CCSER1: variants seen among roughly 807,000 people sequenced by gnomAD.
CCSER1 encodes coiled-coil serine rich protein 1, also known as serine-rich coiled-coil domain-containing protein 1.
A neutral mutation model predicts 82.0 loss-of-function variants in CCSER1; 41 were observed. That is an observed-to-expected ratio of 0.50 (90% CI 0.39 to 0.65). The LOEUF is 0.65. CCSER1 is among the 30% of genes least tolerant of loss of function. The pLI, the probability that CCSER1 is intolerant of heterozygous loss-of-function variation, is 0.00. For synonymous variants in CCSER1, 414 were observed against 383.9 expected (o/e 1.08, Z -0.92); for missense variants, 1,119 against 1,064.2 (o/e 1.05, Z -0.72).
At chr4:91,309,686 G>A (rs1042028965) in intron 10 of CCSER1, among the ~76,000 whole-genome samples, 2 of 151,984 alleles carry the variant, frequency 1.3e-5, no homozygotes, top group African/African-American at 4.8e-5. Flanking sequence ...CTCGTAGATA[G>A]CAATGGAATG....
intron 10 of CCSER1, among the ~76,000 whole-genome samples, chr4:91,587,033 T>A (rs1294028015): frequency 6.6e-6 from 1 of 151,706 alleles, no homozygotes; most frequent in Non-Finnish European, 1.5e-5. Context: ...GGAGATGCAA[T>A]CTCTTTTATT....
intron 10 of CCSER1, among the ~76,000 whole-genome samples, chr4:91,317,383 A>G (rs1745907472): frequency 6.6e-6 from 1 of 151,818 alleles, no homozygotes; most frequent in Non-Finnish European, 1.5e-5. Flanking sequence ...ATCTTTATTC[A>G]AATGTCCCTT....
chr4:90,644,696 C>A (rs1727177862), intron 6 of CCSER1, among the ~76,000 whole-genome samples: 1 of 151,970 alleles, frequency 6.6e-6, no homozygotes, highest in South Asian at 2.1e-4. Context: ...TCAGCTCCCA[C>A]TTATAAGCGA....
rs1764708235 is a variant in CCSER1, at chr4:91,598,903, T to G, written c.2549T>G (p.Val850Gly). Residue 850 changes from valine (V) to glycine (G), a missense_variant, in exon 11 of 11, where the codon GTT becomes GGT. Coordinates refer to ENST00000509176, the MANE Select transcript of CCSER1 (RefSeq NM_001145065.2). Reference protein sequence around the residue: ...STFLEKPKDQVATARQHSTFT... With the variant: ...STFLEKPKDQGATARQHSTFT... ...TTCTTAGAGAAACCAAAGGACCAAG[T>G]TGCTACGGCCCGACAGCATTCGACC... The G allele has an allele frequency of 6.4e-7, 1 of 1,551,584 alleles. No individual in the cohort carries two copies.
rs1421209418 is a variant in CCSER1 at position 90,220,205 on chromosome 4, T to C, written c.-41-88039T>C. On this transcript the variant is annotated intron_variant, in intron 1 of 10. Transcript: ENST00000509176. The stretch of plus-strand genomic sequence containing the variant: ...TTAAACTTTATCATAGGTGTGTATG[T>C]ATAAGGAAAAACACAGTATAGATAG... Among the ~76,000 whole-genome samples the C allele has an allele frequency of 3.3e-5, 5 of 152,202 alleles. No individual in the cohort carries two copies. The East Asian group carries it at 9.6e-4, about 29-fold the overall frequency.
At chr4:90,491,625 G>T (rs951866170) in intron 5 of CCSER1, among the ~76,000 whole-genome samples, 1 of 151,944 alleles carries the variant, frequency 6.6e-6, no homozygotes, top group African/African-American at 2.4e-5. Flanking sequence ...CCAGTTTTTG[G>T]CCATTCAGTA....
At chr4:90,430,218 G>T (rs1301389461) in intron 4 of CCSER1, among the ~76,000 whole-genome samples, 1 of 151,822 alleles carries the variant, frequency 6.6e-6, no homozygotes, top group Non-Finnish European at 1.5e-5. Context: ...GATAAGTTAT[G>T]CAAGTGAATA....
chr4:90,295,630 AT>A (rs1440598249), intron 1 of CCSER1, among the ~76,000 whole-genome samples: 5 of 151,790 alleles, frequency 3.3e-5, no homozygotes, highest in Non-Finnish European at 7.4e-5. Flanking sequence ...TTGCTCACTT[AT>A]TTTTGATTTT....
chr4:91,572,260 T>A (rs1042432294), intron 10 of CCSER1, among the ~76,000 whole-genome samples: 1 of 152,154 alleles, frequency 6.6e-6, no homozygotes, highest in Admixed American at 6.5e-5. Context: ...CAGAGAAGGC[T>A]GTGAAACAGT....
chr4:91,330,598 T>C (rs1375629258), intron 10 of CCSER1, among the ~76,000 whole-genome samples: 1 of 152,202 alleles, frequency 6.6e-6, no homozygotes, highest in Non-Finnish European at 1.5e-5. Context: ...GGCTAACTTA[T>C]CTGGAAATAG....
chr4:91,034,535 T>A (rs926568346), intron 9 of CCSER1, among the ~76,000 whole-genome samples: 7 of 112,146 alleles, frequency 6.2e-5, no homozygotes, highest in Non-Finnish European at 1.4e-4. Flanking sequence ...TAACTAAAAA[T>A]TTCATACACC....
intron 9 of CCSER1, among the ~76,000 whole-genome samples, chr4:90,992,178 G>A (rs75516539): frequency 0.071 from 10,749 of 152,016 alleles, 496 homozygotes; most frequent in South Asian, 0.17. Flanking sequence ...AACTACACTA[G>A]CACAAAACTT....
At chr4:91,342,801 G>A (rs1292989649) in intron 10 of CCSER1, among the ~76,000 whole-genome samples, 1 of 151,922 alleles carries the variant, frequency 6.6e-6, no homozygotes, top group Non-Finnish European at 1.5e-5. Context: ...TACATTCCCT[G>A]GTCACTTTCC....
At chr4:91,535,287 T>G (rs1354413090) in intron 10 of CCSER1, among the ~76,000 whole-genome samples, 1 of 152,044 alleles carries the variant, frequency 6.6e-6, no homozygotes, top group African/African-American at 2.4e-5. Context: ...GTATGATATT[T>G]GGTGAAATTT....
intron 5 of CCSER1, among the ~76,000 whole-genome samples, chr4:90,577,913 A>G (rs1270839137): frequency 6.6e-6 from 1 of 152,106 alleles, no homozygotes. Context: ...ATTACTTTTA[A>G]TAACTAAAGA....
intron 10 of CCSER1, among the ~76,000 whole-genome samples, chr4:91,549,352 T>A (rs1346585447): frequency 6.6e-6 from 1 of 152,092 alleles, no homozygotes; most frequent in African/African-American, 2.4e-5. Context: ...CTGCCTTATC[T>A]GACTCTGGTT....
chr4:90,549,091 G>A (rs1406289338), intron 5 of CCSER1, among the ~76,000 whole-genome samples: 2 of 152,104 alleles, frequency 1.3e-5, no homozygotes, highest in Non-Finnish European at 2.9e-5. Context: ...TATAATATGT[G>A]ATGCCCAACC....
At chr4:90,530,011 C>T (rs1774307118) in intron 5 of CCSER1, among the ~76,000 whole-genome samples, 1 of 151,256 alleles carries the variant, frequency 6.6e-6, no homozygotes, top group African/African-American at 2.4e-5. Flanking sequence ...TTTCCCTGCT[C>T]TTTAATATGC....
intron 9 of CCSER1, among the ~76,000 whole-genome samples, chr4:91,075,574 C>T (rs181818827): frequency 1.3e-5 from 2 of 152,080 alleles, no homozygotes; most frequent in Non-Finnish European, 2.9e-5. Context: ...TTTGACTGTT[C>T]GTGTGTACAT....
Sources: gnomAD v4.1 joint callset for allele counts (sites outside exome capture counted in the v4.1 genomes callset) on GRCh38, gnomAD v4.1.1 for gene constraint, MANE v1.5 for transcripts, NCBI Gene and HGNC (gene_info 2026-07-23, HGNC 2026-07-21) for gene names.